SIL1: variants seen among roughly 807,000 people sequenced by gnomAD.
The protein encoded by SIL1 is SIL1 nucleotide exchange factor.
SIL1 carries 40 observed loss-of-function variants against 49.1 expected under a neutral mutation model. The ratio of observed to expected loss-of-function variants is 0.81; its 90% CI spans 0.63 to 1.06. SIL1 has a LOEUF of 1.06. Ranked by LOEUF, SIL1 falls within the 50% of genes least tolerant of loss-of-function variation. The pLI is 0.00. For synonymous variants in SIL1, 253 were observed against 250.8 expected (o/e 1.01, Z -0.08); for missense variants, 500 against 572.6 (o/e 0.87, Z 1.29).
chr5:139,012,684 G>A (rs1016646654), intron 7 of SIL1: 1 of 151,872 alleles, frequency 6.6e-6, no homozygotes, highest in Non-Finnish European at 1.5e-5. Flanking sequence ...ACATATCGTA[G>A]AGCTCCAGCA....
chr5:138,997,869 T>G (rs1004329129), intron 7 of SIL1, among the ~76,000 whole-genome samples: 1 of 152,152 alleles, frequency 6.6e-6, no homozygotes, highest in African/African-American at 2.4e-5. Context: ...AACTTTGTAC[T>G]ATATTTTGAG....
At chr5:139,156,846 G>A (rs1421156853) in intron 1 of SIL1, among the ~76,000 whole-genome samples, 1 of 152,166 alleles carries the variant, frequency 6.6e-6, no homozygotes, top group Non-Finnish European at 1.5e-5. Flanking sequence ...ACCATGAAAG[G>A]ATAAATCTCT....
chr5:139,011,925 T>C (rs1039805485), intron 7 of SIL1, among the ~76,000 whole-genome samples: 2 of 152,222 alleles, frequency 1.3e-5, no homozygotes, highest in African/African-American at 4.8e-5. Flanking sequence ...ATAATCCCCA[T>C]GGACTCTTCA....
intron 3 of SIL1, among the ~76,000 whole-genome samples, chr5:139,078,504 T>C (rs1215405948): frequency 1.3e-5 from 2 of 152,222 alleles, no homozygotes; most frequent in African/African-American, 4.8e-5. Context: ...TCACCAGACC[T>C]GCTTTCTCCA....
intron 7 of SIL1, among the ~76,000 whole-genome samples, chr5:139,014,973 C>T (rs1239817499): frequency 6.6e-6 from 1 of 152,172 alleles, no homozygotes; most frequent in Non-Finnish European, 1.5e-5. Context: ...GCCAGTGGGG[C>T]TATACACTCA....
intron 5 of SIL1, among the ~76,000 whole-genome samples, chr5:139,033,578 C>CT (rs377237047): frequency 3.1e-4 from 45 of 147,492 alleles, no homozygotes; most frequent in South Asian, 8.6e-4. Flanking sequence ...TTCAATGTAT[C>CT]TTTTTTTTTT....
chr5:139,009,398 G>A lies in SIL1; in HGVS notation c.767+11773C>T, dbSNP rs1230967233. ...GTTTCCTGAACACAGCACACTGATGGGTCTTGACTCTTTATCCAATTTGCC... is the reference window on the plus strand; with the variant it reads ...GTTTCCTGAACACAGCACACTGATGAGTCTTGACTCTTTATCCAATTTGCC... On this transcript the variant is annotated intron_variant, in intron 7 of 9. Transcript: ENST00000394817. Among the ~76,000 whole-genome samples the A allele has an allele frequency of 1.8e-3, 261 of 147,810 alleles. 1 individual carries two copies. Among genetic ancestry groups the A allele is most frequent in the Non-Finnish European group, 2.7e-3 (182 of 67,204 alleles).
intron 1 of SIL1, among the ~76,000 whole-genome samples, chr5:139,192,842 A>T (rs1009039896): frequency 6.6e-6 from 1 of 151,782 alleles, no homozygotes; most frequent in Non-Finnish European, 1.5e-5. Context: ...CCAAAAAAAA[A>T]AAAAATTAGC....
intron 5 of SIL1, among the ~76,000 whole-genome samples, chr5:139,041,818 C>CAAAAAAA (rs536666463): frequency 1.3e-4 from 11 of 86,314 alleles, no homozygotes; most frequent in African/African-American, 2.5e-4. Context: ...AACTCAAAAA[C>CAAAAAAA]AAAAAAAAAA....
chr5:139,180,378 T>C (rs1415890624), intron 1 of SIL1, among the ~76,000 whole-genome samples: 1 of 78,796 alleles, frequency 1.3e-5, no homozygotes, highest in Non-Finnish European at 2.4e-5. Flanking sequence ...CAAAACTCCA[T>C]CTCAAAAAAA....
chr5:139,056,208 T>C (rs1769417799), intron 3 of SIL1, among the ~76,000 whole-genome samples: 2 of 135,554 alleles, frequency 1.5e-5, no homozygotes, highest in East Asian at 2.3e-4. Flanking sequence ...CCGGCCGCCA[T>C]CCCATCTAGG....
intron 1 of SIL1, chr5:139,131,461 C>T (rs968751996): frequency 6.6e-6 from 1 of 152,248 alleles, no homozygotes; most frequent in African/African-American, 2.4e-5. Flanking sequence ...CTAAGGACAT[C>T]TGCAGCCATG....
chr5:139,163,858 G>A (rs185152004), intron 1 of SIL1, among the ~76,000 whole-genome samples: 435 of 152,020 alleles, frequency 2.9e-3, no homozygotes, highest in Non-Finnish European at 4.6e-3. Flanking sequence ...TATAATTCAC[G>A]CCTATAATTC....
At chr5:139,121,280 C>A (rs1449037915) in intron 2 of SIL1, 107 bp from the exon 3 acceptor site, 5 of 1,478,262 alleles carry the variant, frequency 3.4e-6, no homozygotes, top group Admixed American at 1.7e-5. Flanking sequence ...CCCTCTCCCC[C>A]ACAGCCTGAT....
At chr5:139,073,572 C>G (rs1228148198) in intron 3 of SIL1, among the ~76,000 whole-genome samples, 2 of 151,976 alleles carry the variant, frequency 1.3e-5, no homozygotes, top group African/African-American at 4.8e-5. Flanking sequence ...AGATGTTGGT[C>G]AAAGGATACA....
intron 1 of SIL1, among the ~76,000 whole-genome samples, chr5:139,143,537 A>T (rs186844750): frequency 2.2e-3 from 329 of 151,764 alleles, no homozygotes; most frequent in African/African-American, 7.7e-3. Context: ...CACATGGCTA[A>T]GTTTTTGTAT....
chr5:139,024,239 C>G (rs1317828206), intron 6 of SIL1, among the ~76,000 whole-genome samples: 2 of 152,156 alleles, frequency 1.3e-5, no homozygotes, highest in Non-Finnish European at 2.9e-5. Flanking sequence ...ACTGAGTTGG[C>G]AAATAACCCC....
At chr5:139,138,304 G>A (rs751232939) in intron 1 of SIL1, among the ~76,000 whole-genome samples, 2 of 152,208 alleles carry the variant, frequency 1.3e-5, no homozygotes, top group African/African-American at 4.8e-5. Flanking sequence ...TTTGGTGAAT[G>A]GGGCTTGCCT....
chr5:139,150,821 A>C (rs1321015975), intron 1 of SIL1, among the ~76,000 whole-genome samples: 1 of 152,154 alleles, frequency 6.6e-6, no homozygotes, highest in Non-Finnish European at 1.5e-5. Flanking sequence ...TTGGGAGCCT[A>C]GCCCAAAGCC....
Sources: allele counts gnomAD v4.1 joint callset (sites outside exome capture counted in the v4.1 genomes callset), GRCh38; gene constraint gnomAD v4.1.1; transcripts MANE v1.5; gene names NCBI Gene and HGNC (gene_info 2026-07-23, HGNC 2026-07-21).